GTSE1: variants seen among roughly 807,000 people sequenced by gnomAD.
GTSE1 encodes the protein G2 and S phase-expressed protein 1.
GTSE1 carries 52 observed loss-of-function variants against 60.5 expected under a neutral mutation model. The observed-to-expected ratio is 0.86, with a 90% CI of 0.69 to 1.08. The LOEUF is 1.08. GTSE1 is among the 50% of genes least tolerant of loss of function. The probability of loss-of-function intolerance (pLI) is 0.00; values close to 1 mark genes in which losing one functional copy is unlikely to be tolerated. For missense variants in GTSE1, 937 were observed against 961.8 expected (o/e 0.97, Z 0.34); for synonymous variants, 368 against 386.5 (o/e 0.95, Z 0.56).
rs1360203370 is a variant in GTSE1 at position 46,320,359 on chromosome 22, C to T, written c.1433-2831C>T. On this transcript the variant is annotated intron_variant, in intron 7 of 11. Transcript: ENST00000454366. The surrounding 1 kb of genome is among the most constrained non-coding windows in gnomAD (Gnocchi z 7.1). ...ATGCTGGGAACAGGACTGTCTCTTG[C>T]ACGCCTTTGGTCATTCATCAGGGTC... Among the ~76,000 whole-genome samples the T allele has an allele frequency of 6.6e-6, 1 of 152,202 alleles. No homozygotes were observed. Among genetic ancestry groups the T allele is most frequent in the Non-Finnish European group, 1.5e-5 (1 of 68,040 alleles).
chr22:46,297,063 A>G lies in GTSE1; in HGVS notation c.-22+132A>G. 3.7e-6 allele frequency: 1 copy of G among 269,002 alleles called. No individual in the cohort carries two copies. Among genetic ancestry groups the G allele is most frequent in the Non-Finnish European group, 7.3e-6 (1 of 137,614 alleles). The allele number at this position is 269,002 out of a possible 1,614,324, so 16.7% of individuals were successfully genotyped here. A position where few individuals can be genotyped will look rare whatever the true frequency, so the allele number is the denominator to read the frequency against. ...GCCTGGGCTCGAGCAGGGGTCACTGAGGCCCCTCGCGCCGTGGTCGGGGAT... is the reference window on the plus strand; with the variant it reads ...GCCTGGGCTCGAGCAGGGGTCACTGGGGCCCCTCGCGCCGTGGTCGGGGAT... On this transcript the variant is annotated intron_variant, in intron 1 of 11. Transcript: ENST00000454366. This position sits in a 1 kb window ranked among gnomAD's most constrained non-coding sequence, Gnocchi z 4.9.
Position 46,297,272 on chromosome 22 carries a change from C to T in GTSE1, c.-21-108C>T. On this transcript the variant is annotated intron_variant, in intron 1 of 11. Transcript: ENST00000454366. This position sits in a 1 kb window ranked among gnomAD's most constrained non-coding sequence, Gnocchi z 4.9. Reference sequence around the variant, plus strand: ...GGCCCCCGCGCCGCCTCTCCCAGACCTGGCCGCGGCCTTCAGCTCTCTCTG... The same window carrying T: ...GGCCCCCGCGCCGCCTCTCCCAGACTTGGCCGCGGCCTTCAGCTCTCTCTG... 1.4e-6 allele frequency: 1 copy of T among 731,322 alleles called. No homozygotes were observed. Among genetic ancestry groups the T allele is most frequent in the Non-Finnish European group, 2.4e-6 (1 of 415,382 alleles). 45.3% of individuals were successfully genotyped at this position (731,322 alleles called of 1,614,324 possible).
rs939638599 is a variant in GTSE1, at chr22:46,297,710, C to T, written c.79+231C>T. On this transcript the variant is annotated intron_variant, in intron 2 of 11. Transcript: ENST00000454366. This position sits in a 1 kb window ranked among gnomAD's most constrained non-coding sequence, Gnocchi z 4.9. ...TTTATTTACCGCAGTGCTCCCATGC[C>T]CTGAACAGCACCTAACACTTTGTGG... Among the ~76,000 whole-genome samples the T allele has an allele frequency of 6.6e-6, 1 of 152,172 alleles. No individual in the cohort carries two copies. The highest frequency in any genetic ancestry group is 6.5e-5 in the Admixed American group (1 of 15,276).
intron 4 of GTSE1, among the ~76,000 whole-genome samples, chr22:46,311,835 C>A (rs2147820158): frequency 6.6e-6 from 1 of 152,328 alleles, no homozygotes; most frequent in East Asian, 1.9e-4. Context: ...TTCTCATTAT[C>A]ATTCTTAAAT....
rs1452799330 is a variant in GTSE1, at chr22:46,329,351, T to C, written c.1927-7T>C. The C allele has an allele frequency of 1.2e-6, 2 of 1,610,600 alleles. No individual in the cohort carries two copies. The highest frequency in any genetic ancestry group is 1.7e-4 in the Middle Eastern group (1 of 6,060). On this transcript the variant is annotated splice_region_variant and splice_polypyrimidine_tract_variant and intron_variant, in intron 10 of 11. Transcript: ENST00000454366. The surrounding 1 kb of genome is among the most constrained non-coding windows in gnomAD (Gnocchi z 6.4). ...GACTCTGCTCTTAACCTTGGTTTTGTACCCAGGCTCTTCTTGTAGATATCA... is the reference window on the plus strand; with the variant it reads ...GACTCTGCTCTTAACCTTGGTTTTGCACCCAGGCTCTTCTTGTAGATATCA...
In GTSE1 at chr22:46,326,384, C is replaced by T. The variant is rs551075746; in HGVS notation, c.1506-52C>T. 34 of 1,444,924 alleles carry T rather than the reference C, an allele frequency of 2.4e-5. No homozygotes were observed. In the African/African-American group the frequency reaches 4.2e-4, roughly 18 times the overall value. 89.5% of individuals were successfully genotyped at this position (1,444,924 alleles called of 1,614,324 possible). A position where few individuals can be genotyped will look rare whatever the true frequency, so the allele number is the denominator to read the frequency against. On this transcript the variant is annotated intron_variant, in intron 8 of 11. Transcript: ENST00000454366. ...ATTAGCACAGGCTGAATGATGAGAT[C>T]TTACTTTTTCTATGTCATCTCAGCT...
In GTSE1 at chr22:46,328,762, C is replaced by T. The variant is rs1404106982; in HGVS notation, c.1799C>T (p.Pro600Leu). ...LVDVSPDRGS[P>L]PSRVPQALNF... is the part of the protein sequence containing the mutation. ...GATGTGTCCCCTGACAGGGGTTCTC[C>T]TCCTTCCCGTGTGCCTCAGGCACTT... The change falls in exon 10 of 12, where the codon CCT (proline) becomes CTT (leucine). Residue 600 changes from proline (P) to leucine (L), a missense_variant. Transcript: ENST00000454366. 1.2e-6 allele frequency: 2 copies of T among 1,613,562 alleles called. No individual in the cohort carries two copies. The highest frequency in any genetic ancestry group is 1.7e-6 in the Non-Finnish European group (2 of 1,179,526).
Position 46,318,212 on chromosome 22 carries a change from C to G in GTSE1, c.1432+1800C>G, listed in dbSNP as rs1304373595. Among the ~76,000 whole-genome samples the G allele has an allele frequency of 6.6e-6, 1 of 152,202 alleles. No homozygotes were observed. The highest frequency in any genetic ancestry group is 2.4e-5 in the African/African-American group (1 of 41,456). On this transcript the variant is annotated intron_variant, in intron 7 of 11. Transcript: ENST00000454366. The surrounding 1 kb of genome is among the most constrained non-coding windows in gnomAD (Gnocchi z 4.8). ...TGTGCAATGCAGAAAGTTCTCAGAG[C>G]TGACTTAAGGTGAGAGGAGCGTCCT...
Position 46,324,657 on chromosome 22 carries a change from G to A in GTSE1, c.1505+1395G>A, listed in dbSNP as rs9627412. On this transcript the variant is annotated intron_variant, in intron 8 of 11. Coordinates refer to ENST00000454366, the MANE Select transcript of GTSE1 (RefSeq NM_016426.7). The surrounding 1 kb of genome is among the most constrained non-coding windows in gnomAD (Gnocchi z 5.2). ...GCTGGGATTACAGGTGTGAGCCACC[G>A]CGCCTGGCCGGAATTTTTATTTTCA... Among the ~76,000 whole-genome samples, 2 of 152,282 alleles carry A rather than the reference G, an allele frequency of 1.3e-5. No homozygotes were observed. The highest frequency in any genetic ancestry group is 4.8e-5 in the African/African-American group (2 of 41,570).
At chr22:46,326,305 C>T (rs2077843330) in intron 8 of GTSE1, 131 bp from the exon 9 acceptor site, 1 of 696,412 alleles carries the variant, frequency 1.4e-6, no homozygotes, top group East Asian at 3.0e-5. Context: ...GCGGAGCTCA[C>T]ACGGGCTCCC....
chr22:46,327,918 G>C (rs927148410), intron 9 of GTSE1, among the ~76,000 whole-genome samples: 1 of 152,172 alleles, frequency 6.6e-6, no homozygotes, highest in Non-Finnish European at 1.5e-5. Context: ...GAGAAACAAG[G>C]CCTCACTGAA....
intron 4 of GTSE1, 101 bp from the exon 5 acceptor site, chr22:46,312,040 T>G: frequency 2.1e-6 from 2 of 939,244 alleles, no homozygotes; most frequent in Non-Finnish European, 3.3e-6. Context: ...TGTGTAGCAC[T>G]GGGGAAGATG....
intron 2 of GTSE1, among the ~76,000 whole-genome samples, chr22:46,301,147 T>C (rs2077687180): frequency 6.6e-6 from 1 of 152,238 alleles, no homozygotes; most frequent in African/African-American, 2.4e-5. Context: ...TCATCTGCTG[T>C]GGGTGAACAT....
rs1371787861 is a variant in GTSE1 at position 46,314,271 on chromosome 22, C to G, written c.1051+258C>G. Among the ~76,000 whole-genome samples, 1 of 152,204 alleles carries G rather than the reference C, an allele frequency of 6.6e-6. No individual in the cohort carries two copies. Among genetic ancestry groups the G allele is most frequent in the African/African-American group, 2.4e-5 (1 of 41,454 alleles). On this transcript the variant is annotated intron_variant, in intron 6 of 11. Transcript: ENST00000454366. The surrounding 1 kb of genome is among the most constrained non-coding windows in gnomAD (Gnocchi z 7.1). ...ATGGCCAGAAAGCATGTATGATACC[C>G]CGTGCCTGAGAACATGGACACTGGA...
In GTSE1 at chr22:46,316,940, T is replaced by TTTCTTTTCTTTC. The variant is rs2077784693; in HGVS notation, c.1432+531_1432+542dup. Among the ~76,000 whole-genome samples, 1 of 152,030 alleles carries TTTCTTTTCTTTC rather than the reference T, an allele frequency of 6.6e-6. No individual in the cohort carries two copies. Among genetic ancestry groups the TTTCTTTTCTTTC allele is most frequent in the African/African-American group, 2.4e-5 (1 of 41,422 alleles). ...AGCCTTTTTTCTTTTTCTTATCTTTTTTCTTTTCTTTCTTTCTTTTTTTTT... is the reference window on the plus strand; with the variant it reads ...AGCCTTTTTTCTTTTTCTTATCTTTTTTCTTTTCTTTCTTCTTTTCTTTCTTTCTTTTTTTTT... On this transcript the variant is annotated intron_variant, in intron 7 of 11. Coordinates refer to ENST00000454366, the MANE Select transcript of GTSE1 (RefSeq NM_016426.7). The surrounding 1 kb of genome is among the most constrained non-coding windows in gnomAD (Gnocchi z 5.0).
chr22:46,326,246 G>A (rs1020123093), intron 8 of GTSE1, among the ~76,000 whole-genome samples, 190 bp from the exon 9 acceptor site: 2 of 152,282 alleles, frequency 1.3e-5, no homozygotes, highest in Non-Finnish European at 2.9e-5. Flanking sequence ...GCCAGGATGG[G>A]TTGGTAGCAG....
rs1478636649 is a variant in GTSE1 at position 46,302,040 on chromosome 22, G to T, written c.79+4561G>T. ...CTTGGGAGGCTAGGGCAGGAGAATC[G>T]CTTGAACCCAGGAGGCAGAGGTTGC... On this transcript the variant is annotated intron_variant, in intron 2 of 11. Transcript: ENST00000454366. Among the ~76,000 whole-genome samples, 4 of 152,198 alleles carry T rather than the reference G, an allele frequency of 2.6e-5. No individual in the cohort carries two copies. The East Asian group carries it at 5.8e-4, about 22-fold the overall frequency.
At chr22:46,311,150 T>C (rs1489053218) in intron 4 of GTSE1, among the ~76,000 whole-genome samples, 1 of 152,040 alleles carries the variant, frequency 6.6e-6, no homozygotes, top group African/African-American at 2.4e-5. Flanking sequence ...CAATCTCGGC[T>C]CACTGCATCC....
chr22:46,326,860 C>T (rs1359979308), intron 9 of GTSE1: 12 of 486,922 alleles, frequency 2.5e-5, no homozygotes, highest in Non-Finnish European at 3.9e-5. Flanking sequence ...GGAAATACTG[C>T]GTGTAATTCT....
Sources: gnomAD v4.1 joint callset for allele counts (sites outside exome capture counted in the v4.1 genomes callset) on GRCh38, gnomAD v4.1.1 for gene constraint, Gnocchi (gnomAD v3.1) non-coding constraint, MANE v1.5 for transcripts, NCBI Gene and HGNC (gene_info 2026-07-23, HGNC 2026-07-21) for gene names.